The following ZNF385D variants were observed in gnomAD, a reference collection of about 807,000 sequenced individuals.
The protein encoded by ZNF385D is zinc finger protein 385D.
Under a neutral mutation model 35.8 loss-of-function variants are expected in ZNF385D, and 15 were observed. That is an observed-to-expected ratio of 0.42 (90% CI 0.28 to 0.64). ZNF385D has a LOEUF of 0.64. Among genes scored for constraint, ZNF385D ranks in the 30% least tolerant of loss-of-function variants. ZNF385D has a pLI of 0.23. For synonymous variants in ZNF385D, 212 were observed against 186.8 expected (o/e 1.13, Z -1.10); for missense variants, 474 against 494.6 (o/e 0.96, Z 0.39).
At chr3:22,312,622 C>T (rs1559513320) in intron 2 of ZNF385D, among the ~76,000 whole-genome samples, 5 of 152,180 alleles carry the variant, frequency 3.3e-5, no homozygotes, top group Non-Finnish European at 7.3e-5. Context: ...CAAAAGAAGA[C>T]ATTTACGGAG....
intron 3 of ZNF385D, among the ~76,000 whole-genome samples, chr3:21,525,513 C>T (rs7640256): frequency 0.57 from 85,809 of 151,294 alleles, 24,726 homozygotes; most frequent in East Asian, 0.7. Flanking sequence ...GGAGAAACCC[C>T]GTCTCTACTA....
intron 3 of ZNF385D, among the ~76,000 whole-genome samples, chr3:22,084,206 T>A (rs1700909792): frequency 6.6e-6 from 1 of 152,154 alleles, no homozygotes; most frequent in Non-Finnish European, 1.5e-5. Context: ...AACATCATAA[T>A]GACAGGATCA....
chr3:21,709,446 G>A (rs2068021730), intron 1 of ZNF385D, among the ~76,000 whole-genome samples: 1 of 151,866 alleles, frequency 6.6e-6, no homozygotes, highest in Non-Finnish European at 1.5e-5. Flanking sequence ...CAGAAGCAGG[G>A]GTTCTCTCAG....
chr3:21,948,625 T>A (rs1251648708), intron 3 of ZNF385D, among the ~76,000 whole-genome samples: 7 of 152,144 alleles, frequency 4.6e-5, no homozygotes, highest in Non-Finnish European at 1.5e-5. Flanking sequence ...TATTTTGATT[T>A]ATCAGTTTTA....
chr3:21,932,036 G>A (rs957749608), intron 3 of ZNF385D, among the ~76,000 whole-genome samples: 2 of 151,548 alleles, frequency 1.3e-5, no homozygotes, highest in Non-Finnish European at 2.9e-5. Context: ...GAGCGGTGGC[G>A]GGCACCTGTG....
chr3:22,073,858 T>A (rs1449540048), intron 3 of ZNF385D, among the ~76,000 whole-genome samples: 1 of 152,018 alleles, frequency 6.6e-6, no homozygotes, highest in Non-Finnish European at 1.5e-5. Context: ...ATTTTCTCTT[T>A]TATAAAACAG....
At chr3:22,187,670 T>C (rs1206608976) in intron 2 of ZNF385D, among the ~76,000 whole-genome samples, 1 of 152,150 alleles carries the variant, frequency 6.6e-6, no homozygotes. Flanking sequence ...AACTTTATAA[T>C]AGATATATAT....
Position 21,984,484 on chromosome 3 carries a change from G to A in ZNF385D, c.325+184333C>T, listed in dbSNP as rs1237138627. On this transcript the variant is annotated intron_variant, in intron 3 of 5. Coordinates refer to the ZNF385D transcript ENST00000494108. ...AAAGATCAGATAGTTGTAGGTATACGGCGTTATTTCTGAGGGCTCTGTTCT... is the reference window on the plus strand; with the variant it reads ...AAAGATCAGATAGTTGTAGGTATACAGCGTTATTTCTGAGGGCTCTGTTCT... 3.7e-4 allele frequency among the ~76,000 whole-genome samples: 50 copies of A among 133,898 alleles called. 2 individuals carry two copies. The highest frequency in any genetic ancestry group is 2.6e-3 in the Admixed American group (37 of 14,076). The allele number at this position is 133,898 out of a possible 152,430, so 87.8% of individuals were successfully genotyped here. A position where few individuals can be genotyped will look rare whatever the true frequency, so the allele number is the denominator to read the frequency against.
At chr3:21,785,413 AGAAT>A (rs1414628964) in intron 3 of ZNF385D, among the ~76,000 whole-genome samples, 5 of 152,186 alleles carry the variant, frequency 3.3e-5, no homozygotes, top group African/African-American at 1.2e-4. Flanking sequence ...AGAACACTTA[AGAAT>A]GTTCTCACCA....
At chr3:21,544,473 A>G (rs1265241959) in intron 3 of ZNF385D, among the ~76,000 whole-genome samples, 3 of 152,204 alleles carry the variant, frequency 2.0e-5, no homozygotes, top group African/African-American at 4.8e-5. Flanking sequence ...GAAGGTGTGG[A>G]AATGTAAACT....
At chr3:22,013,233 T>C (rs1696684836) in intron 3 of ZNF385D, among the ~76,000 whole-genome samples, 1 of 151,904 alleles carries the variant, frequency 6.6e-6, no homozygotes, top group Non-Finnish European at 1.5e-5. Flanking sequence ...ATGAAAATAA[T>C]ACTTGCTTAA....
chr3:22,338,333 T>C (rs1695264119), intron 2 of ZNF385D, among the ~76,000 whole-genome samples: 1 of 152,184 alleles, frequency 6.6e-6, no homozygotes, highest in Non-Finnish European at 1.5e-5. Context: ...ATATGATCTT[T>C]TTAGTTTAAT....
Position 21,516,397 on chromosome 3 carries a change from G to A in ZNF385D, c.277-5374C>T, listed in dbSNP as rs559662133. Among the ~76,000 whole-genome samples the A allele has an allele frequency of 2.6e-5, 4 of 152,246 alleles. No homozygotes were observed. In the South Asian group the frequency reaches 8.3e-4, roughly 32 times the overall value. ...GAGCTGATTATTTTCAGAAATAGCA[G>A]ACAAAGGAGAATTTCTCAGAGCAGA... On this transcript the variant is annotated intron_variant, in intron 3 of 7. Transcript: ENST00000281523.
chr3:22,130,523 T>C (rs1343766518), intron 3 of ZNF385D, among the ~76,000 whole-genome samples: 1 of 152,110 alleles, frequency 6.6e-6, no homozygotes, highest in Non-Finnish European at 1.5e-5. Flanking sequence ...TCTAAATGCT[T>C]CCTCCAAGCT....
chr3:22,083,151 A>G (rs1252871247), intron 3 of ZNF385D, among the ~76,000 whole-genome samples: 4 of 152,238 alleles, frequency 2.6e-5, no homozygotes, highest in African/African-American at 9.6e-5. Flanking sequence ...TGAAAATTCT[A>G]AAAACCAAAG....
chr3:21,791,924 G>T (rs1210179687), intron 3 of ZNF385D, among the ~76,000 whole-genome samples: 1 of 152,026 alleles, frequency 6.6e-6, no homozygotes, highest in Non-Finnish European at 1.5e-5. Flanking sequence ...TAGTAGAGAC[G>T]GGGTTTCACC....
chr3:22,060,254 C>A (rs775437597), intron 3 of ZNF385D, among the ~76,000 whole-genome samples: 1 of 152,140 alleles, frequency 6.6e-6, no homozygotes, highest in African/African-American at 2.4e-5. Context: ...AGCCAATTCC[C>A]ATAATAAATC....
intron 3 of ZNF385D, among the ~76,000 whole-genome samples, chr3:21,785,088 C>T (rs2071634475): frequency 6.6e-6 from 1 of 152,044 alleles, no homozygotes; most frequent in Non-Finnish European, 1.5e-5. Context: ...ACCCCTGGTT[C>T]CCTGCACTGA....
chr3:21,819,145 G>C (rs1483927397), intron 3 of ZNF385D, among the ~76,000 whole-genome samples: 1 of 151,688 alleles, frequency 6.6e-6, no homozygotes, highest in African/African-American at 2.4e-5. Context: ...ACTAAAAATA[G>C]TCATGAAATG....
Sources: allele counts gnomAD v4.1 joint callset (sites outside exome capture counted in the v4.1 genomes callset), GRCh38; gene constraint gnomAD v4.1.1; transcripts MANE v1.5; gene names NCBI Gene and HGNC (gene_info 2026-07-23, HGNC 2026-07-21).